Variants in SNX29 observed in about 807,000 individuals in gnomAD.
The protein encoded by SNX29 is sorting nexin 29.
SNX29 carries 78 observed loss-of-function variants against 102.1 expected under a neutral mutation model. The ratio of observed to expected loss-of-function variants is 0.76; its 90% CI spans 0.64 to 0.92. The LOEUF is 0.92. SNX29 is among the 40% of genes least tolerant of loss of function. The pLI is 0.00. For missense variants in SNX29, 1,280 were observed against 1,061.7 expected (o/e 1.21, Z -2.86); for synonymous variants, 580 against 414.5 (o/e 1.40, Z -4.85).
chr16:12,348,725 C>G (rs1392468582), intron 15 of SNX29, among the ~76,000 whole-genome samples: 1 of 152,140 alleles, frequency 6.6e-6, no homozygotes, highest in African/African-American at 2.4e-5. Context: ...CAAACACAGG[C>G]TGGGGAATCC....
chr16:12,182,580 C>A (rs926232217), intron 13 of SNX29, among the ~76,000 whole-genome samples: 1 of 152,216 alleles, frequency 6.6e-6, no homozygotes, highest in Middle Eastern at 3.4e-3. Context: ...AGCTCCGCAC[C>A]CCTGCCAACC....
chr16:12,466,730 G>A (rs1292972847), intron 18 of SNX29, among the ~76,000 whole-genome samples: 1 of 152,126 alleles, frequency 6.6e-6, no homozygotes, highest in Non-Finnish European at 1.5e-5. Flanking sequence ...TTCTGGCAGG[G>A]GCTGGTGTTG....
intron 14 of SNX29, among the ~76,000 whole-genome samples, chr16:12,247,528 C>A (rs1408670114): frequency 1.3e-5 from 2 of 152,110 alleles, no homozygotes; most frequent in African/African-American, 4.8e-5. Context: ...AGTGACTTGT[C>A]ACGAGAAAGG....
At chr16:12,213,007 G>A (rs192091250) in intron 14 of SNX29, among the ~76,000 whole-genome samples, 6 of 152,130 alleles carry the variant, frequency 3.9e-5, no homozygotes, top group Non-Finnish European at 7.4e-5. Context: ...CCAGCTACTC[G>A]GGAGGCTGAG....
chr16:12,548,720 G>C (rs1013596955), intron 20 of SNX29, among the ~76,000 whole-genome samples: 1 of 152,152 alleles, frequency 6.6e-6, no homozygotes, highest in African/African-American at 2.4e-5. Flanking sequence ...TGTAGGAGGG[G>C]TACATCCAGG....
intron 1 of SNX29, among the ~76,000 whole-genome samples, chr16:11,978,697 C>G (rs942012182): frequency 6.6e-6 from 1 of 152,136 alleles, no homozygotes; most frequent in African/African-American, 2.4e-5. Context: ...GGACCCTTTT[C>G]GTTTTACCTT....
intron 11 of SNX29, among the ~76,000 whole-genome samples, chr16:12,124,409 G>A (rs951550257): frequency 6.6e-6 from 1 of 151,938 alleles, no homozygotes; most frequent in Non-Finnish European, 1.5e-5. Context: ...CTGCCCTGAG[G>A]AGCTTAAAGT....
intron 18 of SNX29, among the ~76,000 whole-genome samples, chr16:12,424,773 C>G (rs555914849): frequency 1.3e-5 from 2 of 152,188 alleles, no homozygotes; most frequent in Admixed American, 6.5e-5. Context: ...CCTCTCTATA[C>G]CTTCCTTCCC....
chr16:11,999,251 G>T (rs377673253), intron 1 of SNX29, 46 bp from the exon 2 acceptor site: 3 of 1,589,060 alleles, frequency 1.9e-6, no homozygotes, highest in Admixed American at 1.7e-5. Flanking sequence ...GGGGACAGCC[G>T]TGTCCGAGCG....
At chr16:12,438,308 T>G (rs1206235279) in intron 18 of SNX29, among the ~76,000 whole-genome samples, 1 of 152,136 alleles carries the variant, frequency 6.6e-6, no homozygotes, top group African/African-American at 2.4e-5. Flanking sequence ...TTGGGAAACT[T>G]TGACCTAATT....
At chr16:12,563,552 G>A (rs564665336) in intron 20 of SNX29, among the ~76,000 whole-genome samples, 60 of 152,304 alleles carry the variant, frequency 3.9e-4, no homozygotes, top group African/African-American at 1.3e-3. Flanking sequence ...CACTACCTGA[G>A]GGGTCTACCC....
intron 19 of SNX29, among the ~76,000 whole-genome samples, chr16:12,491,840 C>T (rs2088564113): frequency 6.6e-6 from 1 of 152,170 alleles, no homozygotes; most frequent in Non-Finnish European, 1.5e-5. Flanking sequence ...TCATCCATGT[C>T]TGTACAAAGG....
At chr16:12,492,435 T>TTG (rs1487771695) in intron 19 of SNX29, among the ~76,000 whole-genome samples, 1 of 152,234 alleles carries the variant, frequency 6.6e-6, no homozygotes, top group African/African-American at 2.4e-5. Flanking sequence ...TATTAGCCCT[T>TTG]TGTCAGATGA....
intron 14 of SNX29, among the ~76,000 whole-genome samples, chr16:12,238,956 C>G (rs759967692): frequency 5.9e-5 from 9 of 152,162 alleles, no homozygotes; most frequent in Non-Finnish European, 1.3e-4. Context: ...AGGTAGCAAA[C>G]AGGAGAAAAC....
chr16:12,427,362 C>T (rs79830010), intron 18 of SNX29, among the ~76,000 whole-genome samples: 1,797 of 151,924 alleles, frequency 0.012, 40 homozygotes, highest in African/African-American at 0.041. Context: ...TTTTAACCTG[C>T]GTGAATTACC....
chr16:12,149,448 ATC>A (rs2055205254), intron 13 of SNX29, among the ~76,000 whole-genome samples: 2 of 152,202 alleles, frequency 1.3e-5, no homozygotes, highest in African/African-American at 4.8e-5. Context: ...GTACATAGTA[ATC>A]TCTCATGAGG....
chr16:12,389,361 G>T (rs188752338), intron 16 of SNX29, among the ~76,000 whole-genome samples: 67 of 151,920 alleles, frequency 4.4e-4, no homozygotes, highest in Non-Finnish European at 9.4e-4. Flanking sequence ...ATCGAATCAC[G>T]GGGGCGGTTT....
Position 12,568,496 on chromosome 16 carries a change from G to A in SNX29, c.2319-10G>A, listed in dbSNP as rs753837292. On this transcript the variant is annotated splice_polypyrimidine_tract_variant and intron_variant, in intron 20 of 20. Coordinates refer to ENST00000566228, the MANE Select transcript of SNX29 (RefSeq NM_032167.5). ...CCAGACTTAACCCGATTCTCTCCCT[G>A]CTCTTTCAGCGACATCACCCCGCCC... 17 of 1,609,142 alleles carry A rather than the reference G, an allele frequency of 1.1e-5. No homozygotes were observed. Among genetic ancestry groups the A allele is most frequent in the East Asian group, 2.2e-5 (1 of 44,848 alleles).
At chr16:12,153,209 G>A (rs1235703369) in intron 13 of SNX29, among the ~76,000 whole-genome samples, 2 of 152,160 alleles carry the variant, frequency 1.3e-5, no homozygotes, top group East Asian at 1.9e-4. Flanking sequence ...GTTGCAGTGA[G>A]CTGTGATTGT....
Sources: gnomAD v4.1 joint callset for allele counts (sites outside exome capture counted in the v4.1 genomes callset) on GRCh38, gnomAD v4.1.1 for gene constraint, MANE v1.5 for transcripts, NCBI Gene and HGNC (gene_info 2026-07-23, HGNC 2026-07-21) for gene names.